ADGRL2: variants seen among roughly 807,000 people sequenced by gnomAD.
ADGRL2 encodes calcium-independent alpha-latrotoxin receptor 2.
Under a neutral mutation model 157.4 loss-of-function variants are expected in ADGRL2, and 44 were observed. The ratio of observed to expected loss-of-function variants is 0.28; its 90% CI spans 0.22 to 0.36. The LOEUF (loss-of-function observed/expected upper bound fraction) is 0.36, where lower values mean the gene tolerates loss of function less well. Ranked by LOEUF, ADGRL2 falls within the 10% of genes least tolerant of loss-of-function variation. The probability of loss-of-function intolerance (pLI) is 1.00; values close to 1 mark genes in which losing one functional copy is unlikely to be tolerated. For synonymous variants in ADGRL2, 585 were observed against 624.7 expected, an observed-to-expected ratio of 0.94 and a Z score of 0.95; for missense variants, 1,510 against 1,768.9, an observed-to-expected ratio of 0.85 and a Z score of 2.63.
intron 3 of ADGRL2, among the ~76,000 whole-genome samples, chr1:81,916,203 C>T (rs552340372): frequency 2.0e-5 from 3 of 152,206 alleles, no homozygotes; most frequent in East Asian, 1.9e-4. Context: ...TTTATCTAAA[C>T]GACCACGAGA....
chr1:81,551,075 A>T (rs1160149061), intron 2 of ADGRL2, among the ~76,000 whole-genome samples: 1 of 152,174 alleles, frequency 6.6e-6, no homozygotes, highest in East Asian at 1.9e-4. Context: ...TTTTCTATGC[A>T]ATGAGGATGA....
chr1:81,437,544 T>C (rs1252461057), intron 1 of ADGRL2, among the ~76,000 whole-genome samples: 1 of 152,250 alleles, frequency 6.6e-6, no homozygotes, highest in Non-Finnish European at 1.5e-5. Flanking sequence ...CAGTCATTCA[T>C]CCTGTTGGAT....
rs1653277159 is a variant in ADGRL2, at chr1:81,955,661, A to C, written c.1834-216A>C. ...CTTCTACACTTACTGTTTGTAATCA[A>C]ATAGCAGTCTGTTAATCTTCAGTCA... is the stretch of plus-strand genomic sequence containing the variant. On this transcript the variant is annotated intron_variant, in intron 10 of 23. Transcript: ENST00000686636. 6 of 392,480 alleles carry C rather than the reference A, an allele frequency of 1.5e-5. No individual in the cohort carries two copies. In the South Asian group the frequency reaches 5.1e-4, roughly 33 times the overall value. 24.3% of individuals were successfully genotyped at this position (392,480 alleles called of 1,614,324 possible). A position where few individuals can be genotyped will look rare whatever the true frequency, so the allele number is the denominator to read the frequency against.
chr1:81,801,804 G>A (rs1223355458), intron 1 of ADGRL2, among the ~76,000 whole-genome samples: 1 of 152,178 alleles, frequency 6.6e-6, no homozygotes. Flanking sequence ...CCGTCGCTTC[G>A]AAGGGACTCC....
chr1:81,672,867 T>C (rs1286963570), intron 3 of ADGRL2, among the ~76,000 whole-genome samples: 1 of 152,228 alleles, frequency 6.6e-6, no homozygotes, highest in Non-Finnish European at 1.5e-5. Context: ...GTTTTCTTAT[T>C]AGTCATGATC....
chr1:81,493,044 A>G (rs1181747445), intron 2 of ADGRL2, among the ~76,000 whole-genome samples: 1 of 152,216 alleles, frequency 6.6e-6, no homozygotes, highest in Non-Finnish European at 1.5e-5. Flanking sequence ...CTGAAAGAAG[A>G]AAACTCCTTT....
intron 5 of ADGRL2, among the ~76,000 whole-genome samples, chr1:81,942,567 C>T (rs1200414405): frequency 6.6e-6 from 1 of 151,610 alleles, no homozygotes; most frequent in Non-Finnish European, 1.5e-5. Flanking sequence ...CATGGTTTTG[C>T]TTTTAGGGGC....
At chr1:81,570,451 T>A (rs1395753494) in intron 2 of ADGRL2, among the ~76,000 whole-genome samples, 1 of 152,184 alleles carries the variant, frequency 6.6e-6, no homozygotes, top group African/African-American at 2.4e-5. Context: ...TGCAGTGGCA[T>A]GATCTCTGAT....
intron 2 of ADGRL2, among the ~76,000 whole-genome samples, chr1:81,464,981 T>A (rs927501900): frequency 6.7e-6 from 1 of 149,676 alleles, no homozygotes; most frequent in African/African-American, 2.5e-5. Flanking sequence ...CTTGACAAAG[T>A]GTAGGACCAC....
chr1:81,311,998 A>T (rs1659785598), intron 1 of ADGRL2, among the ~76,000 whole-genome samples: 1 of 152,200 alleles, frequency 6.6e-6, no homozygotes, highest in Non-Finnish European at 1.5e-5. Context: ...TTCAGTTTTC[A>T]GCTTTTAAAC....
At chr1:81,682,860 A>T (rs1172543111) in intron 3 of ADGRL2, among the ~76,000 whole-genome samples, 1 of 152,162 alleles carries the variant, frequency 6.6e-6, no homozygotes, top group African/African-American at 2.4e-5. Context: ...GGCCGGGCGC[A>T]GTGGCTCACG....
At chr1:81,633,630 C>A (rs758695409) in intron 3 of ADGRL2, among the ~76,000 whole-genome samples, 97 of 150,218 alleles carry the variant, frequency 6.5e-4, no homozygotes, top group Non-Finnish European at 1.1e-3. Flanking sequence ...AGAGAACCAC[C>A]GATTTTCTCT....
At chr1:81,606,195 T>C (rs533743446) in intron 3 of ADGRL2, among the ~76,000 whole-genome samples, 46 of 152,202 alleles carry the variant, frequency 3.0e-4, no homozygotes, top group Non-Finnish European at 5.7e-4. Context: ...GAACTCATAC[T>C]AGCATTCTGA....
intron 1 of ADGRL2, among the ~76,000 whole-genome samples, chr1:81,309,845 T>G (rs1186256740): frequency 6.6e-6 from 1 of 152,158 alleles, no homozygotes; most frequent in African/African-American, 2.4e-5. Context: ...TCTTTATATG[T>G]TTAAAATTTG....
At chr1:81,878,519 C>A (rs1303337971) in intron 2 of ADGRL2, among the ~76,000 whole-genome samples, 2 of 152,126 alleles carry the variant, frequency 1.3e-5, no homozygotes, top group Non-Finnish European at 2.9e-5. Context: ...GGATTTCTTT[C>A]ATTTAATCGT....
chr1:81,719,769 A>C (rs78748682), intron 1 of ADGRL2, among the ~76,000 whole-genome samples: 1 of 152,120 alleles, frequency 6.6e-6, no homozygotes, highest in Non-Finnish European at 1.5e-5. Flanking sequence ...GCCCAATGCT[A>C]GTGGAATTTG....
chr1:81,828,451 G>A (rs1165754914), intron 1 of ADGRL2, among the ~76,000 whole-genome samples: 3 of 151,916 alleles, frequency 2.0e-5, no homozygotes, highest in Non-Finnish European at 4.4e-5. Flanking sequence ...ATGTGGAGTA[G>A]CAATAATAAG....
chr1:81,459,036 A>C (rs1475093736), intron 2 of ADGRL2, among the ~76,000 whole-genome samples: 1 of 152,152 alleles, frequency 6.6e-6, no homozygotes, highest in South Asian at 2.1e-4. Flanking sequence ...CCTCTGTGTG[A>C]GAGGGGACCC....
intron 1 of ADGRL2, among the ~76,000 whole-genome samples, chr1:81,307,179 C>A (rs143837742): frequency 0.014 from 2,199 of 152,184 alleles, 38 homozygotes; most frequent in Admixed American, 0.037. Context: ...TGTAGCAAGG[C>A]TTTAAAAAAC....
Sources: allele counts gnomAD v4.1 joint callset (sites outside exome capture counted in the v4.1 genomes callset), GRCh38; gene constraint gnomAD v4.1.1; transcripts MANE v1.5; gene names NCBI Gene and HGNC (gene_info 2026-07-23, HGNC 2026-07-21).